The following EDN1 variants were observed in gnomAD, a reference collection of about 807,000 sequenced individuals.
The protein encoded by EDN1 is endothelin 1, also known as endothelin-1.
In EDN1, 11 loss-of-function variants were observed where a neutral mutation model predicts 21.7. That is an observed-to-expected ratio of 0.51 (90% CI 0.32 to 0.84). EDN1 has a LOEUF of 0.84. Ranked by LOEUF, EDN1 falls within the 40% of genes least tolerant of loss-of-function variation. The pLI is 0.03. For missense variants in EDN1, 244 were observed against 262.3 expected (o/e 0.93, Z 0.48); for synonymous variants, 85 against 90.6 (o/e 0.94, Z 0.35).
At position 12,296,724 on chromosome 6, in the gene EDN1, T is replaced by G. The variant is rs140005633; in HGVS notation, c.*657T>G. 2 of 153,118 alleles carry G rather than the reference T, an allele frequency of 1.3e-5. No homozygotes were observed. The highest frequency in any genetic ancestry group is 3.9e-4 in the East Asian group (2 of 5,184). 9.5% of individuals were successfully genotyped at this position (153,118 alleles called of 1,614,324 possible). A position where few individuals can be genotyped will look rare whatever the true frequency, so the allele number is the denominator to read the frequency against. Reference sequence around the variant, plus strand: ...AAACTCTTCCCACCCCTGCTGCCCCTTCCTCCATCCCCCATACTAAATCCT... The same window carrying G: ...AAACTCTTCCCACCCCTGCTGCCCCGTCCTCCATCCCCCATACTAAATCCT... On this transcript the variant is annotated 3_prime_UTR_variant, in exon 5 of 5. Transcript: ENST00000379375.
chr6:12,293,769 GC>G (rs1299720832), intron 2 of EDN1, among the ~76,000 whole-genome samples, 171 bp from the exon 3 acceptor site: 3 of 152,196 alleles, frequency 2.0e-5, no homozygotes, highest in African/African-American at 7.2e-5. Flanking sequence ...TACAGTCAGG[GC>G]CATTGATGCA....
At chr6:12,278,386 T>C in the EDN1 span, among the ~76,000 whole-genome samples, 3 of 152,200 alleles carry the variant, frequency 2.0e-5, no homozygotes, top group Non-Finnish European at 2.9e-5. Context: ...TATTGAACTG[T>C]ATCAGCTTCA....
the EDN1 span, among the ~76,000 whole-genome samples, chr6:12,269,078 A>G: frequency 6.6e-6 from 1 of 151,938 alleles, no homozygotes; most frequent in African/African-American, 2.4e-5. Context: ...TGGGTATCTT[A>G]ATTTTTGTAG....
chr6:12,248,129 C>A, the EDN1 span, among the ~76,000 whole-genome samples: 1 of 151,806 alleles, frequency 6.6e-6, no homozygotes, highest in African/African-American at 2.4e-5. Flanking sequence ...AAGCTAGAAA[C>A]AACAAGATCG....
At chr6:12,231,759 C>G in the EDN1 span, among the ~76,000 whole-genome samples, 1 of 151,740 alleles carries the variant, frequency 6.6e-6, no homozygotes, top group South Asian at 2.1e-4. Flanking sequence ...AGTTTTTACT[C>G]AGATATCACT....
the EDN1 span, among the ~76,000 whole-genome samples, chr6:12,258,449 C>CAAAAAAAAAAAAAAAAAAA: frequency 1.3e-4 from 8 of 63,672 alleles, no homozygotes; most frequent in African/African-American, 3.9e-4. Flanking sequence ...GATCATGTCT[C>CAAAAAAAAAAAAAAAAAAA]AAAAAAAAAA....
At chr6:12,231,043 C>T in the EDN1 span, among the ~76,000 whole-genome samples, 8 of 152,188 alleles carry the variant, frequency 5.3e-5, 1 homozygote, top group South Asian at 1.2e-3. Context: ...AAATGACTTG[C>T]CATAATATAC....
In EDN1 at chr6:12,296,007, C is replaced by T. The variant is rs775517180; in HGVS notation, c.579C>T (p.Pro193=). 3.1e-6 allele frequency: 5 copies of T among 1,614,018 alleles called. No homozygotes were observed. Among genetic ancestry groups the T allele is most frequent in the South Asian group, 1.1e-5 (1 of 91,078 alleles). Residue 193 remains proline (P), a synonymous_variant, in exon 5 of 5, where the codon CCC becomes CCT. Coordinates refer to ENST00000379375, the MANE Select transcript of EDN1 (RefSeq NM_001955.5). ...RNSVKSSFHD[P]KLKGKPSRER... is the part of the protein sequence containing the mutation. The stretch of plus-strand genomic sequence containing the variant: ...GCGTCAAATCATCTTTTCATGATCC[C>T]AAGCTGAAAGGCAAGCCCTCCAGAG...
At chr6:12,279,745 A>G in the EDN1 span, among the ~76,000 whole-genome samples, 1 of 152,266 alleles carries the variant, frequency 6.6e-6, no homozygotes, top group Admixed American at 6.5e-5. Flanking sequence ...AATGATCAGA[A>G]CCTTAAATGA....
chr6:12,292,301 G>A, intron 1 of EDN1, 40 bp from the exon 2 acceptor site: 1 of 1,611,228 alleles, frequency 6.2e-7, no homozygotes. Flanking sequence ...CTCGGCGTTT[G>A]AGGAGACATC....
At chr6:12,289,355 G>T (rs1052363419), upstream of EDN1, among the ~76,000 whole-genome samples, 1 of 152,064 alleles carries the variant, frequency 6.6e-6, no homozygotes, top group Non-Finnish European at 1.5e-5. Flanking sequence ...CTGCTTGTGC[G>T]GGGAATAAAT....
chr6:12,237,698 C>A, the EDN1 span, among the ~76,000 whole-genome samples: 4 of 152,138 alleles, frequency 2.6e-5, no homozygotes, highest in African/African-American at 4.8e-5. Context: ...TATACAGACA[C>A]TGTTGTCCTA....
At position 12,294,273 on chromosome 6, in the gene EDN1, T is replaced by C; in HGVS notation, c.402T>C (p.Ile134=). Residue 134 remains isoleucine (I), a synonymous_variant, in exon 4 of 5, where the codon ATT becomes ATC. Transcript: ENST00000379375. The stretch of plus-strand genomic sequence containing the variant: ...TGTATTTTAACAGGGCTGAAGACAT[T>C]ATGGAGAAAGACTGGAATAATCATA... The part of the protein sequence containing the change: ...QAGKELRAED[I]MEKDWNNHKK... 1 of 1,614,174 alleles carries C rather than the reference T, an allele frequency of 6.2e-7. No homozygotes were observed. Among genetic ancestry groups the C allele is most frequent in the South Asian group, 1.1e-5 (1 of 91,076 alleles).
chr6:12,293,915 A>C, intron 2 of EDN1, 26 bp from the exon 3 acceptor site: 1 of 1,613,306 alleles, frequency 6.2e-7, no homozygotes, highest in Non-Finnish European at 8.5e-7. Context: ...ACACTAATAT[A>C]GTTTCTTTCT....
chr6:12,254,765 CAA>C, the EDN1 span, among the ~76,000 whole-genome samples: 2 of 152,054 alleles, frequency 1.3e-5, no homozygotes, highest in East Asian at 1.9e-4. Flanking sequence ...TATATATAAT[CAA>C]GAGAAGTTGT....
At chr6:12,289,274 T>C (rs907456591), upstream of EDN1, among the ~76,000 whole-genome samples, 7 of 152,150 alleles carry the variant, frequency 4.6e-5, no homozygotes. Flanking sequence ...TCACTTAACC[T>C]TGTACAAGAA....
chr6:12,296,018 G>A lies in EDN1; in HGVS notation c.590G>A (p.Gly197Asp). ...KSSFHDPKLK[G>D]KPSRERYVTH... ...TCTTTTCATGATCCCAAGCTGAAAGGCAAGCCCTCCAGAGAGCGTTATGTG... is the reference window on the plus strand; with the variant it reads ...TCTTTTCATGATCCCAAGCTGAAAGACAAGCCCTCCAGAGAGCGTTATGTG... The change falls in exon 5 of 5, where the codon GGC becomes GAC. Residue 197 changes from glycine (G) to aspartate (D), a missense_variant. Physicochemically the swap from Gly to Asp is moderately conservative, Grantham distance 94. Transcript: ENST00000379375. 1.2e-6 allele frequency: 2 copies of A among 1,614,048 alleles called. No homozygotes were observed. The highest frequency in any genetic ancestry group is 2.2e-5 in the South Asian group (2 of 91,080).
At chr6:12,284,454 G>A in the EDN1 span, among the ~76,000 whole-genome samples, 1 of 151,670 alleles carries the variant, frequency 6.6e-6, no homozygotes, top group Admixed American at 6.6e-5. Flanking sequence ...CCAGGTTGCA[G>A]TGAGCCGTGA....
the EDN1 span, among the ~76,000 whole-genome samples, chr6:12,248,410 T>G: frequency 6.6e-6 from 1 of 152,196 alleles, no homozygotes; most frequent in African/African-American, 2.4e-5. Context: ...AGCTGACTAA[T>G]ACAACCCTCA....
Sources: allele counts gnomAD v4.1 joint callset (sites outside exome capture counted in the v4.1 genomes callset), GRCh38; gene constraint gnomAD v4.1.1; transcripts MANE v1.5; gene names NCBI Gene and HGNC (gene_info 2026-07-23, HGNC 2026-07-21).